NUP107: variants seen among roughly 807,000 people sequenced by gnomAD.
NUP107 encodes nucleoporin 107, also known as nuclear pore complex protein Nup107.
A neutral mutation model predicts 141.0 loss-of-function variants in NUP107; 101 were observed. The observed-to-expected ratio is 0.72, with a 90% CI of 0.61 to 0.84. The LOEUF (loss-of-function observed/expected upper bound fraction) is 0.84, where lower values mean the gene tolerates loss of function less well. Ranked by LOEUF, NUP107 falls within the 40% of genes least tolerant of loss-of-function variation. The probability of loss-of-function intolerance (pLI) is 0.00; values close to 1 mark genes in which losing one functional copy is unlikely to be tolerated. For synonymous variants in NUP107, 319 were observed against 363.9 expected, an observed-to-expected ratio of 0.88 and a Z score of 1.41; for missense variants, 941 against 1,102.7, an observed-to-expected ratio of 0.85 and a Z score of 2.08.
intron 5 of NUP107, among the ~76,000 whole-genome samples, chr12:68,693,405 G>T (rs1875909323): frequency 1.3e-5 from 2 of 151,922 alleles, no homozygotes; most frequent in South Asian, 4.1e-4. Flanking sequence ...TAGAGACAGG[G>T]TCTACAAAGA....
At chr12:68,704,715 A>G (rs1876495830) in intron 8 of NUP107, among the ~76,000 whole-genome samples, 2 of 152,122 alleles carry the variant, frequency 1.3e-5, no homozygotes, top group African/African-American at 4.8e-5. Context: ...TTGGCCTCCC[A>G]AAGTGCTGAG....
intron 12 of NUP107, among the ~76,000 whole-genome samples, chr12:68,716,909 T>C (rs1218919656): frequency 6.6e-6 from 1 of 152,136 alleles, no homozygotes; most frequent in African/African-American, 2.4e-5. Flanking sequence ...AATTTCTTTT[T>C]TTTTTTGAGA....
At position 68,741,916 on chromosome 12, in the gene NUP107, G is replaced by A; in HGVS notation, c.2606G>A (p.Gly869Asp). 1 of 1,613,614 alleles carries A rather than the reference G, an allele frequency of 6.2e-7. No homozygotes were observed. Among genetic ancestry groups the A allele is most frequent in the East Asian group, 2.2e-5 (1 of 44,868 alleles). ...CTTCATACGATATTGCACAGTACTG[G>A]TCAGTATCAGGAATGCCTACAGTTA... is the stretch of plus-strand genomic sequence containing the variant. ...FLLHTILHST[G>D]QYQECLQLAD... The change falls in exon 27 of 28, where the codon GGT becomes GAT. Residue 869 changes from glycine to aspartate, a missense_variant. Transcript: ENST00000229179.
intron 22 of NUP107, among the ~76,000 whole-genome samples, chr12:68,732,375 A>T (rs185161560): frequency 1.3e-5 from 2 of 152,224 alleles, no homozygotes; most frequent in Admixed American, 6.5e-5. Context: ...AGCTCAAGAG[A>T]TCCGCTCGCC....
chr12:68,721,814 T>G, intron 15 of NUP107, 27 bp from the exon 16 acceptor site: 1 of 1,605,886 alleles, frequency 6.2e-7, no homozygotes, highest in Non-Finnish European at 8.5e-7. Flanking sequence ...TATGTCTATA[T>G]GTTTCTGTTT....
intron 1 of NUP107, among the ~76,000 whole-genome samples, chr12:68,688,730 G>A (rs1473764445): frequency 6.6e-6 from 1 of 152,146 alleles, no homozygotes; most frequent in Non-Finnish European, 1.5e-5. Context: ...ATAACATAGT[G>A]AGTACTAGAA....
chr12:68,706,978 C>T, intron 8 of NUP107: 1 of 637,778 alleles, frequency 1.6e-6, no homozygotes, highest in East Asian at 2.7e-5. Flanking sequence ...CCAGTTCCTT[C>T]AGCTGCACCA....
At chr12:68,732,195 T>C (rs1003419055) in intron 22 of NUP107, among the ~76,000 whole-genome samples, 2 of 152,248 alleles carry the variant, frequency 1.3e-5, no homozygotes, top group Non-Finnish European at 2.9e-5. Flanking sequence ...TGGAGTGCAG[T>C]GGCGCTATCT....
intron 17 of NUP107, among the ~76,000 whole-genome samples, chr12:68,724,816 A>T (rs1052897784): frequency 2.0e-5 from 3 of 152,070 alleles, no homozygotes; most frequent in Non-Finnish European, 4.4e-5. Flanking sequence ...ACCACACTGA[A>T]AGCAAAAAAA....
intron 8 of NUP107, chr12:68,706,893 G>A (rs1876609886): frequency 2.7e-6 from 2 of 745,258 alleles, no homozygotes; most frequent in African/African-American, 1.7e-5. Flanking sequence ...GGTGGTCTGA[G>A]CTCGGCCTAT....
chr12:68,708,166 G>A (rs951576178), intron 8 of NUP107, among the ~76,000 whole-genome samples: 1 of 152,044 alleles, frequency 6.6e-6, no homozygotes, highest in African/African-American at 2.4e-5. Flanking sequence ...ACAGATTTTG[G>A]TATCCACGAG....
intron 10 of NUP107, among the ~76,000 whole-genome samples, chr12:68,712,156 G>A (rs1227406146): frequency 6.6e-6 from 1 of 151,942 alleles, no homozygotes; most frequent in East Asian, 1.9e-4. Context: ...ATTGTGGCTG[G>A]GCATGGTTTA....
At position 68,715,309 on chromosome 12, in the gene NUP107, C is replaced by T. The variant is rs540433646; in HGVS notation, c.970-318C>T. Among the ~76,000 whole-genome samples, 14 of 152,272 alleles carry T rather than the reference C, an allele frequency of 9.2e-5. No individual in the cohort carries two copies. The East Asian group carries it at 1.4e-3, about 15-fold the overall frequency. ...AGGAGTTCGAGACCAATCTGGTCAA[C>T]GTGGTGAAACCCCGTCTCTACTAAA... On this transcript the variant is annotated intron_variant, in intron 11 of 27. Transcript: ENST00000229179.
Position 68,733,568 on chromosome 12 carries a change from G to T in NUP107, c.2218G>T (p.Asp740Tyr). The change falls in exon 24 of 28, where the codon GAT (aspartate) becomes TAT (tyrosine). Residue 740 changes from aspartate (D) to tyrosine (Y), a missense_variant. Coordinates refer to ENST00000229179, the MANE Select transcript of NUP107 (RefSeq NM_020401.4). Reference sequence around the variant, plus strand: ...AATGGAAAGTCCACTTCCTGCTGAAGATGATAATGCTATCCGAGAACATTT... The same window carrying T: ...AATGGAAAGTCCACTTCCTGCTGAATATGATAATGCTATCCGAGAACATTT... ...QGMESPLPAE[D>Y]DNAIREHLCI... 6.2e-7 allele frequency: 1 copy of T among 1,612,764 alleles called. No individual in the cohort carries two copies. The highest frequency in any genetic ancestry group is 8.5e-7 in the Non-Finnish European group (1 of 1,179,180).
At chr12:68,691,197 T>C (rs1875769098) in intron 4 of NUP107, among the ~76,000 whole-genome samples, 1 of 152,214 alleles carries the variant, frequency 6.6e-6, no homozygotes, top group South Asian at 2.1e-4. Flanking sequence ...GAAAACCTTA[T>C]GCATCTGATA....
chr12:68,702,325 A>G (rs1040129669), intron 7 of NUP107, among the ~76,000 whole-genome samples: 1 of 151,836 alleles, frequency 6.6e-6, no homozygotes, highest in Non-Finnish European at 1.5e-5. Flanking sequence ...GGGTTTCACT[A>G]TGTTGGCCAG....
At chr12:68,722,234 G>A in intron 17 of NUP107, 82 bp downstream of exon 17, 5 of 1,145,796 alleles carry the variant, frequency 4.4e-6, no homozygotes, top group Admixed American at 2.7e-5. Context: ...AAAGGAAAAA[G>A]GTGGAACTTT....
chr12:68,740,951 G>A (rs890278348), intron 26 of NUP107, among the ~76,000 whole-genome samples: 1 of 151,850 alleles, frequency 6.6e-6, no homozygotes, highest in Non-Finnish European at 1.5e-5. Flanking sequence ...GGAGGCTGAG[G>A]TAGGAGGATT....
At chr12:68,719,843 T>C (rs1306637395) in intron 14 of NUP107, among the ~76,000 whole-genome samples, 189 bp downstream of exon 14, 1 of 152,212 alleles carries the variant, frequency 6.6e-6, no homozygotes, top group East Asian at 1.9e-4. Context: ...AACACTGATA[T>C]AAGGCAGAAA....
Sources: gnomAD v4.1 joint callset for allele counts (sites outside exome capture counted in the v4.1 genomes callset) on GRCh38, gnomAD v4.1.1 for gene constraint, MANE v1.5 for transcripts, NCBI Gene and HGNC (gene_info 2026-07-23, HGNC 2026-07-21) for gene names.